KLK7: variants seen among roughly 807,000 people sequenced by gnomAD.
The protein encoded by KLK7 is kallikrein-7.
KLK7 carries 17 observed loss-of-function variants against 21.0 expected under a neutral mutation model. That is an observed-to-expected ratio of 0.81 (90% CI 0.55 to 1.21). The LOEUF (loss-of-function observed/expected upper bound fraction) is 1.21. KLK7 is among the 50% of genes most tolerant of loss of function. The pLI is 0.00. For synonymous variants in KLK7, 151 were observed against 134.6 expected, an observed-to-expected ratio of 1.12 and a Z score of -0.85; for missense variants, 330 against 322.8, an observed-to-expected ratio of 1.02 and a Z score of -0.17.
chr19:50,978,236 A>C (rs1331536299), intron 5 of KLK7, among the ~76,000 whole-genome samples: 1 of 152,200 alleles, frequency 6.6e-6, no homozygotes, highest in Non-Finnish European at 1.5e-5. Context: ...TTGCACATTC[A>C]TGAAACTGGC....
chr19:50,977,712 G>T, intron 5 of KLK7, 21 bp from the exon 6 acceptor site: 1 of 1,606,520 alleles, frequency 6.2e-7, no homozygotes, highest in Non-Finnish European at 8.5e-7. Flanking sequence ...TAGAGCCGGA[G>T]ATTAACTTTG....
intron 5 of KLK7, among the ~76,000 whole-genome samples, chr19:50,978,544 G>A (rs192042136): frequency 1.8e-4 from 26 of 146,976 alleles, no homozygotes; most frequent in African/African-American, 6.3e-4. Flanking sequence ...AGGGAGATGG[G>A]GAGGGTGTGG....
Position 50,977,635 on chromosome 19 carries a change from C to A in KLK7, c.663G>T (p.Trp221Cys). 6.2e-7 allele frequency: 1 copy of A among 1,613,748 alleles called. No homozygotes were observed. Among genetic ancestry groups the A allele is most frequent in the Non-Finnish European group, 8.5e-7 (1 of 1,179,990 alleles). Reference protein sequence around the residue: ...CRGTLQGLVSWGTFPCGQPND... With the variant: ...CRGTLQGLVSCGTFPCGQPND... The stretch of plus-strand genomic sequence containing the variant: ...TGGGTTGGCCGCAAGGGAAAGTTCC[C>A]CAGGACACCAGACCTTGCAGGGTAC... Residue 221 changes from tryptophan to cysteine, a missense_variant, in exon 6 of 6, where the codon TGG (tryptophan) becomes TGT (cysteine). Coordinates refer to ENST00000595820, the MANE Select transcript of KLK7 (RefSeq NM_005046.4).
Position 50,977,528 on chromosome 19 carries a change from G to C in KLK7, c.*8C>G. The C allele has an allele frequency of 6.2e-7, 1 of 1,612,986 alleles. No homozygotes were observed. Among genetic ancestry groups the C allele is most frequent in the Non-Finnish European group, 8.5e-7 (1 of 1,179,112 alleles). On this transcript the variant is annotated 3_prime_UTR_variant, in exon 6 of 6. Transcript: ENST00000595820. ...TGGAAGCACACAGTTAATTAACTCA[G>C]TGTGGCGTTAGCGATGCTTTTTCAT... is the stretch of plus-strand genomic sequence containing the variant.
chr19:50,977,603 G>A lies in KLK7; in HGVS notation c.695C>T (p.Pro232Leu), dbSNP rs189779210. Residue 232 changes from proline to leucine, a missense_variant, in exon 6 of 6, where the codon CCA becomes CTA. Pro to Leu is a moderately conservative substitution (Grantham distance 98). Coordinates refer to ENST00000595820, the MANE Select transcript of KLK7 (RefSeq NM_005046.4). ...GTFPCGQPND[P>L]GVYTQVCKFT... is the part of the protein sequence containing the mutation. Reference sequence around the variant, plus strand: ...CTTGCACACTTGAGTGTAGACTCCTGGGTCATTGGGTTGGCCGCAAGGGAA... The same window carrying A: ...CTTGCACACTTGAGTGTAGACTCCTAGGTCATTGGGTTGGCCGCAAGGGAA... 1 of 1,613,762 alleles carries A rather than the reference G, an allele frequency of 6.2e-7. No homozygotes were observed. The highest frequency in any genetic ancestry group is 2.2e-5 in the East Asian group (1 of 44,876).
At chr19:50,979,165 A>G (rs1020924499) in intron 5 of KLK7, among the ~76,000 whole-genome samples, 48 of 152,140 alleles carry the variant, frequency 3.2e-4, no homozygotes, top group Admixed American at 3.1e-3. Flanking sequence ...TTTCCCCGGG[A>G]CCAGGGCCAG....
chr19:50,982,325 A>G lies in KLK7; in HGVS notation c.73+2T>C. 6.2e-7 allele frequency: 1 copy of G among 1,609,346 alleles called. No individual in the cohort carries two copies. The stretch of plus-strand genomic sequence containing the variant: ...GGTCAGACTTCCCAGTCCAGCTTTC[A>G]CCTTCTTCTCCTGCAGTTTCCAAGG... On this transcript the variant is annotated splice_donor_variant, in intron 2 of 5. Coordinates refer to ENST00000595820, the MANE Select transcript of KLK7 (RefSeq NM_005046.4). LOFTEE classifies it high-confidence loss of function.
At chr19:50,979,596 G>A (rs1459933823) in intron 5 of KLK7, among the ~76,000 whole-genome samples, 192 bp downstream of exon 5, 2 of 152,040 alleles carry the variant, frequency 1.3e-5, no homozygotes, top group Non-Finnish European at 2.9e-5. Flanking sequence ...TCATCCCCAG[G>A]GCCACATTGG....
intron 3 of KLK7, among the ~76,000 whole-genome samples, chr19:50,981,007 G>GA (rs2091077704): frequency 2.4e-5 from 3 of 124,984 alleles, no homozygotes; most frequent in African/African-American, 3.3e-5. Context: ...AGAGCCCCAG[G>GA]GAGAGGGGGA....
At chr19:50,983,826 C>T (rs1246786118) in intron 1 of KLK7, 25 bp downstream of exon 1, 1 of 1,289,380 alleles carries the variant, frequency 7.8e-7, no homozygotes, top group Non-Finnish European at 1.0e-6. Flanking sequence ...CCTACAGGTG[C>T]ACCCTTGATG....
rs112070660 is a variant in KLK7 at position 50,980,251 on chromosome 19, G to A, written c.458C>T (p.Thr153Met). 2.1e-4 allele frequency: 346 copies of A among 1,613,896 alleles called. No homozygotes were observed. Among genetic ancestry groups the A allele is most frequent in the African/African-American group, 8.3e-4 (62 of 74,966 alleles). ...TCTVSGWGTT[T>M]SPDVTFPSDL... The stretch of plus-strand genomic sequence containing the variant: ...CTGAGGCCACCTACCATCTGGGCTC[G>A]TGGTAGTGCCCCAGCCGGAGACAGT... Residue 153 changes from threonine to methionine, a missense_variant, in exon 4 of 6, where the codon ACG becomes ATG. Coordinates refer to ENST00000595820, the MANE Select transcript of KLK7 (RefSeq NM_005046.4).
At position 50,981,747 on chromosome 19, in the gene KLK7, G is replaced by T; in HGVS notation, c.221+20C>A. The T allele has an allele frequency of 6.4e-7, 1 of 1,551,766 alleles. No individual in the cohort carries two copies. The highest frequency in any genetic ancestry group is 2.4e-5 in the East Asian group (1 of 42,208). On this transcript the variant is annotated intron_variant, in intron 3 of 5. Transcript: ENST00000595820. ...TGGAGACGCTGGTGCACCTCCAGCA[G>T]AGACTTGGGCGGCACCTACTTCATC... is the stretch of plus-strand genomic sequence containing the variant.
chr19:50,978,575 T>C (rs1252625075), intron 5 of KLK7, among the ~76,000 whole-genome samples: 1 of 88,734 alleles, frequency 1.1e-5, no homozygotes, highest in African/African-American at 4.5e-5. Flanking sequence ...GAGAGAGAGA[T>C]GGGGGTGGAG....
chr19:50,981,866 T>G lies in KLK7; in HGVS notation c.122A>C (p.His41Pro). 6.2e-7 allele frequency: 1 copy of G among 1,611,894 alleles called. No homozygotes were observed. Among genetic ancestry groups the G allele is most frequent in the Non-Finnish European group, 8.5e-7 (1 of 1,179,390 alleles). Residue 41 changes from histidine to proline, a missense_variant, in exon 3 of 6, where the codon CAC becomes CCC. Coordinates refer to ENST00000595820, the MANE Select transcript of KLK7 (RefSeq NM_005046.4). The stretch of plus-strand genomic sequence containing the variant: ...ACTGAGCAGGGCCACCTGCCATGGG[T>G]GGGAGCCTCTTGCACATGGGGCGCC... Reference protein sequence around the residue: ...IDGAPCARGSHPWQVALLSGN... With the variant: ...IDGAPCARGSPPWQVALLSGN...
Position 50,981,862 on chromosome 19 carries a change from T to G in KLK7, c.126A>C (p.Pro42=), listed in dbSNP as rs905134428. The G allele has an allele frequency of 1.2e-6, 2 of 1,612,110 alleles. No individual in the cohort carries two copies. Among genetic ancestry groups the G allele is most frequent in the Admixed American group, 3.3e-5 (2 of 59,880 alleles). ...TGCCACTGAGCAGGGCCACCTGCCA[T>G]GGGTGGGAGCCTCTTGCACATGGGG... ...DGAPCARGSH[P]WQVALLSGNQ... Residue 42 remains proline, a synonymous_variant, in exon 3 of 6, where the codon CCA becomes CCC. Coordinates refer to ENST00000595820, the MANE Select transcript of KLK7 (RefSeq NM_005046.4).
intron 4 of KLK7, 61 bp downstream of exon 4, chr19:50,980,179 A>C: frequency 6.5e-7 from 1 of 1,544,676 alleles, no homozygotes; most frequent in East Asian, 2.3e-5. Context: ...GGGGGCCTGG[A>C]CTCCTGGGTC....
intron 2 of KLK7, 31 bp from the exon 3 acceptor site, chr19:50,981,945 A>G: frequency 4.4e-6 from 7 of 1,604,158 alleles, no homozygotes; most frequent in Non-Finnish European, 6.0e-6. Context: ...GCACGTGGGT[A>G]GCTAGCATTA....
At position 50,979,797 on chromosome 19, in the gene KLK7, GT is replaced by G. The variant is rs757228546; in HGVS notation, c.596del (p.Asn199ThrfsTer47). On this transcript the variant is annotated frameshift_variant, in exon 5 of 6. Transcript: ENST00000595820. LOFTEE classifies it low-confidence loss of function (END_TRUNC). Reference protein sequence around the residue: ...LCAGIPDSKKNACNGDSGGPL... With the variant: ...LCAGIPDSKKXACNGDSGGPL... ...GGGGGGAGGGTCTCACATTGCAGGC[GT>G]TTTTCTTGGAGTCGGGGATGCCAGC... 3.8e-6 allele frequency: 6 copies of G among 1,571,280 alleles called. No homozygotes were observed. The highest frequency in any genetic ancestry group is 5.2e-6 in the Non-Finnish European group (6 of 1,157,044).
intron 3 of KLK7, among the ~76,000 whole-genome samples, chr19:50,981,407 C>G (rs2091085852): frequency 9.1e-6 from 1 of 110,328 alleles, no homozygotes; most frequent in African/African-American, 3.9e-5. Flanking sequence ...TACAGAGGCC[C>G]AGGGAGAGGG....
Sources: gnomAD v4.1 joint callset for allele counts (sites outside exome capture counted in the v4.1 genomes callset) on GRCh38, gnomAD v4.1.1 for gene constraint, MANE v1.5 for transcripts, NCBI Gene and HGNC (gene_info 2026-07-23, HGNC 2026-07-21) for gene names.